The following SIPA1L2 variants were observed in gnomAD, a reference collection of about 807,000 sequenced individuals.
SIPA1L2 encodes the protein signal-induced proliferation-associated 1-like protein 2.
SIPA1L2 carries 56 observed loss-of-function variants against 163.9 expected under a neutral mutation model. That is an observed-to-expected ratio of 0.34 (90% CI 0.28 to 0.43). SIPA1L2 has a LOEUF of 0.43. Ranked by LOEUF, SIPA1L2 falls within the 20% of genes least tolerant of loss-of-function variation. The pLI is 1.00. For synonymous variants in SIPA1L2, 877 were observed against 865.7 expected (o/e 1.01, Z -0.23); for missense variants, 1,974 against 2,193.5 (o/e 0.90, Z 2.00).
intron 2 of SIPA1L2, among the ~76,000 whole-genome samples, chr1:232,564,487 A>T (rs1300016499): frequency 6.6e-6 from 1 of 151,968 alleles, no homozygotes; most frequent in East Asian, 2.0e-4. Context: ...CCTGCAAGGG[A>T]TGGGCCACCA....
At chr1:232,553,193 T>C (rs908593015) in intron 2 of SIPA1L2, among the ~76,000 whole-genome samples, 1 of 152,102 alleles carries the variant, frequency 6.6e-6, no homozygotes, top group African/African-American at 2.4e-5. Context: ...AGGATCATCT[T>C]CCCCTGGAGT....
intron 10 of SIPA1L2, among the ~76,000 whole-genome samples, chr1:232,459,995 C>A (rs1439359931): frequency 6.6e-6 from 1 of 152,064 alleles, no homozygotes; most frequent in Admixed American, 6.5e-5. Context: ...CCAGGCCACA[C>A]AGCAAATTCC....
intron 3 of SIPA1L2, among the ~76,000 whole-genome samples, chr1:232,501,496 C>A (rs1666480606): frequency 6.6e-6 from 1 of 152,044 alleles, no homozygotes; most frequent in African/African-American, 2.4e-5. Flanking sequence ...AGGGAAGGCA[C>A]CTCCAGTCTC....
intron 2 of SIPA1L2, among the ~76,000 whole-genome samples, chr1:232,546,697 G>A (rs958298043): frequency 1.3e-5 from 2 of 152,148 alleles, no homozygotes; most frequent in Non-Finnish European, 2.9e-5. Context: ...TAGGACAGTC[G>A]GCATTCTGGA....
intron 1 of SIPA1L2, among the ~76,000 whole-genome samples, chr1:232,609,833 AAAAAAAAAAAAAG>A (rs1175209112): frequency 2.0e-5 from 3 of 150,854 alleles, no homozygotes; most frequent in Admixed American, 6.6e-5. Context: ...CCATCTCAAA[AAAAAAAAAAAAAG>A]AAAAAGAAAA....
intron 1 of SIPA1L2, among the ~76,000 whole-genome samples, chr1:232,589,498 C>T (rs1008220398): frequency 2.0e-5 from 3 of 152,226 alleles, no homozygotes; most frequent in African/African-American, 2.4e-5. Flanking sequence ...TTGAGCTTCT[C>T]TTCGCAGAAA....
Position 232,479,797 on chromosome 1 carries a change from A to G in SIPA1L2, c.1982-67T>C, listed in dbSNP as rs537868109. 5.5e-5 allele frequency: 79 copies of G among 1,423,808 alleles called. No homozygotes were observed. The South Asian group carries it at 9.1e-4, about 16-fold the overall frequency. The allele number at this position is 1,423,808 out of a possible 1,614,324, so 88.2% of individuals were successfully genotyped here. On this transcript the variant is annotated intron_variant, in intron 6 of 22. Coordinates refer to ENST00000674635, the MANE Select transcript of SIPA1L2 (RefSeq NM_020808.5). The stretch of plus-strand genomic sequence containing the variant: ...CAAAATTAGTGCTTCGATATTTAAA[A>G]GGTTACTGTTGCAAAAACAAAAAAC...
chr1:232,471,624 T>G, intron 7 of SIPA1L2, 96 bp from the exon 8 acceptor site: 1 of 1,148,636 alleles, frequency 8.7e-7, no homozygotes, highest in Non-Finnish European at 1.2e-6. Context: ...GAGTGATTTT[T>G]AAAAAGCACA....
chr1:232,405,508 C>T (rs1350309167), intron 19 of SIPA1L2, among the ~76,000 whole-genome samples: 6 of 152,170 alleles, frequency 3.9e-5, no homozygotes, highest in Non-Finnish European at 8.8e-5. Flanking sequence ...ACCTGCACAG[C>T]AGAGCTGGGG....
At position 232,466,213 on chromosome 1, in the gene SIPA1L2, G is replaced by A. The variant is rs542861907; in HGVS notation, c.2244-797C>T. Among the ~76,000 whole-genome samples, 37 of 152,268 alleles carry A rather than the reference G, an allele frequency of 2.4e-4. No individual in the cohort carries two copies. In the South Asian group the frequency reaches 5.0e-3, roughly 20 times the overall value. On this transcript the variant is annotated intron_variant, in intron 8 of 22. Coordinates refer to ENST00000674635, the MANE Select transcript of SIPA1L2 (RefSeq NM_020808.5). Reference sequence around the variant, plus strand: ...CGTTAGCTGCATGGGATTCAGTGACGTGGGACAGAGTGATCATACTTACAA... The same window carrying A: ...CGTTAGCTGCATGGGATTCAGTGACATGGGACAGAGTGATCATACTTACAA...
chr1:232,501,361 A>T (rs1666472863), intron 3 of SIPA1L2, among the ~76,000 whole-genome samples: 1 of 152,188 alleles, frequency 6.6e-6, no homozygotes, highest in Non-Finnish European at 1.5e-5. Flanking sequence ...TTATTACAAT[A>T]TTCATCATAT....
At chr1:232,611,634 C>G (rs963945205) in intron 1 of SIPA1L2, among the ~76,000 whole-genome samples, 3 of 152,124 alleles carry the variant, frequency 2.0e-5, no homozygotes, top group African/African-American at 7.2e-5. Flanking sequence ...GAACTTCAGA[C>G]AGAGAATTTA....
At position 232,415,664 on chromosome 1, in the gene SIPA1L2, C is replaced by T. The variant is rs779486545; in HGVS notation, c.4631-39G>A. 3.7e-6 allele frequency: 6 copies of T among 1,612,560 alleles called. No individual in the cohort carries two copies. The African/African-American group carries it at 5.3e-5, about 14-fold the overall frequency. On this transcript the variant is annotated intron_variant, in intron 18 of 22. Coordinates refer to ENST00000674635, the MANE Select transcript of SIPA1L2 (RefSeq NM_020808.5). Reference sequence around the variant, plus strand: ...AAACCAGAGAGTCAGTCATCAGTCACAGCACGGGCACCAGCCCAGAGTGAG... The same window carrying T: ...AAACCAGAGAGTCAGTCATCAGTCATAGCACGGGCACCAGCCCAGAGTGAG...
At chr1:232,570,689 T>C (rs1659675694) in intron 2 of SIPA1L2, among the ~76,000 whole-genome samples, 1 of 152,160 alleles carries the variant, frequency 6.6e-6, no homozygotes, top group African/African-American at 2.4e-5. Context: ...CTTTCCTCTG[T>C]GCTCTTAAAG....
chr1:232,511,385 C>T (rs901934461), intron 3 of SIPA1L2, among the ~76,000 whole-genome samples: 12 of 152,340 alleles, frequency 7.9e-5, no homozygotes, highest in Admixed American at 4.6e-4. Context: ...AGACAATTCA[C>T]ACTAAGTGAC....
At chr1:232,406,918 T>C (rs1257870700) in intron 19 of SIPA1L2, among the ~76,000 whole-genome samples, 1 of 152,238 alleles carries the variant, frequency 6.6e-6, no homozygotes, top group Non-Finnish European at 1.5e-5. Flanking sequence ...TAGGGTTTTG[T>C]AGCTACATGT....
At chr1:232,437,507 C>T (rs1662635894) in intron 15 of SIPA1L2, among the ~76,000 whole-genome samples, 1 of 152,096 alleles carries the variant, frequency 6.6e-6, no homozygotes, top group Non-Finnish European at 1.5e-5. Flanking sequence ...TCCTAAGCTC[C>T]CTCTGCATGG....
intron 5 of SIPA1L2, among the ~76,000 whole-genome samples, chr1:232,487,883 CAA>C (rs1665724924): frequency 6.6e-6 from 1 of 151,218 alleles, no homozygotes; most frequent in South Asian, 2.1e-4. Flanking sequence ...CTGCAAACTA[CAA>C]AAGAGCGGAA....
At chr1:232,601,938 G>A (rs769578804) in intron 1 of SIPA1L2, among the ~76,000 whole-genome samples, 1 of 152,170 alleles carries the variant, frequency 6.6e-6, no homozygotes, top group Non-Finnish European at 1.5e-5. Context: ...AATATGGGAT[G>A]TCACCTTACA....
Sources: gnomAD v4.1 joint callset for allele counts (sites outside exome capture counted in the v4.1 genomes callset) on GRCh38, gnomAD v4.1.1 for gene constraint, MANE v1.5 for transcripts, NCBI Gene and HGNC (gene_info 2026-07-23, HGNC 2026-07-21) for gene names.